The following FRMPD4 variants were observed in gnomAD, a reference collection of about 807,000 sequenced individuals.
FRMPD4 encodes the protein FERM and PDZ domain containing 4.
Under a neutral mutation model 94.1 loss-of-function variants are expected in FRMPD4, and 22 were observed. That is an observed-to-expected ratio of 0.23 (90% CI 0.17 to 0.33). FRMPD4 has a LOEUF of 0.33. Among genes scored for constraint, FRMPD4 ranks in the 10% least tolerant of loss-of-function variants. The probability of loss-of-function intolerance (pLI) is 1.00; values close to 1 mark genes in which losing one functional copy is unlikely to be tolerated. For missense variants in FRMPD4, 1,111 were observed against 1,339.9 expected (o/e 0.83, Z 2.67); for synonymous variants, 631 against 548.6 (o/e 1.15, Z -2.10).
chrX:12,695,830 A>C, intron 9 of FRMPD4, among the ~76,000 whole-genome samples: 1 of 110,674 alleles, frequency 9.0e-6, no homozygotes. Context: ...TCTGCCTCCT[A>C]GGTTCAAAAG....
chrX:12,354,619 G>A (rs749390677), intron 1 of FRMPD4, among the ~76,000 whole-genome samples: 4 of 112,287 alleles, frequency 3.6e-5, no homozygotes, highest in African/African-American at 9.7e-5. Flanking sequence ...AGGCCAAGAC[G>A]TCATTCCTTT....
chrX:12,252,009 T>C (rs1335436977), intron 1 of FRMPD4, among the ~76,000 whole-genome samples: 2 of 112,357 alleles, frequency 1.8e-5, no homozygotes, highest in South Asian at 7.4e-4. Flanking sequence ...TCATGACACA[T>C]AGTAAATCCT....
intron 3 of FRMPD4, among the ~76,000 whole-genome samples, chrX:12,105,978 C>T (rs1212814987): frequency 9.8e-5 from 11 of 112,137 alleles, no homozygotes; most frequent in Non-Finnish European, 1.7e-4. Flanking sequence ...TCTCTGAGAG[C>T]TACACCCTGA....
At chrX:12,331,536 C>T (rs2055373871) in intron 1 of FRMPD4, among the ~76,000 whole-genome samples, 2 of 93,378 alleles carry the variant, frequency 2.1e-5, no homozygotes, top group Non-Finnish European at 4.2e-5. Flanking sequence ...AAGTGCAAGG[C>T]TACTTGAGTT....
intron 1 of FRMPD4, among the ~76,000 whole-genome samples, chrX:11,847,167 A>G (rs1241203530): frequency 2.7e-5 from 3 of 111,918 alleles, no homozygotes; most frequent in African/African-American, 9.8e-5. Flanking sequence ...TGTACAATGA[A>G]CTCAAACAAA....
intron 1 of FRMPD4, among the ~76,000 whole-genome samples, chrX:12,274,066 A>G (rs1477311301): frequency 1.8e-5 from 2 of 111,684 alleles, no homozygotes; most frequent in Non-Finnish European, 3.8e-5. Flanking sequence ...GAGGGCACCT[A>G]CGAAGAATGT....
At chrX:12,720,249 G>A (rs1342552109) in intron 16 of FRMPD4, among the ~76,000 whole-genome samples, 2 of 111,758 alleles carry the variant, frequency 1.8e-5, no homozygotes, top group African/African-American at 6.5e-5. Flanking sequence ...TGGGAGTAAG[G>A]CAATTCATGA....
intron 1 of FRMPD4, among the ~76,000 whole-genome samples, chrX:12,164,746 G>A (rs1455062655): frequency 8.9e-6 from 1 of 112,182 alleles, no homozygotes; most frequent in East Asian, 2.8e-4. Context: ...CATTCTAACT[G>A]GTGTGAGATG....
At chrX:12,189,984 CAAA>C (rs775521755) in intron 1 of FRMPD4, among the ~76,000 whole-genome samples, 1 of 110,946 alleles carries the variant, frequency 9.0e-6, no homozygotes, top group East Asian at 2.8e-4. Flanking sequence ...AAATAATCAA[CAAA>C]AAAATTCCTG....
chrX:12,019,467 T>C (rs893932632), intron 3 of FRMPD4, among the ~76,000 whole-genome samples: 1 of 110,378 alleles, frequency 9.1e-6, no homozygotes, highest in Admixed American at 9.7e-5. Flanking sequence ...ATCTTTCTCT[T>C]ATACAGCTCT....
chrX:12,081,014 C>T (rs954386316), intron 3 of FRMPD4, among the ~76,000 whole-genome samples: 1 of 111,936 alleles, frequency 8.9e-6, no homozygotes, highest in African/African-American at 3.2e-5. Context: ...GAAACTTTAT[C>T]ACAGCAAATC....
intron 3 of FRMPD4, among the ~76,000 whole-genome samples, chrX:12,098,261 A>G: frequency 2.5e-5 from 1 of 40,606 alleles, no homozygotes; most frequent in Middle Eastern, 0.012. Context: ...TGTAAAAAAC[A>G]GAAAGAAAAA....
rs1325617197 is a variant in FRMPD4 at position 12,107,240 on chromosome X, G to A, written c.95+229222G>A. Among the ~76,000 whole-genome samples, 3 of 112,090 alleles carry A rather than the reference G, an allele frequency of 2.7e-5. No individual in the cohort carries two copies. The Admixed American group carries it at 2.8e-4, about 11-fold the overall frequency. ...ATCAGGCAGCAACATTTGCTGTTCA[G>A]CAATATTCACTGTTCTGCAGCCTCC... On this transcript the variant is annotated intron_variant, in intron 3 of 18. Transcript: ENST00000640291.
At chrX:12,562,801 C>T (rs1215054276) in intron 2 of FRMPD4, among the ~76,000 whole-genome samples, 1 of 111,963 alleles carries the variant, frequency 8.9e-6, no homozygotes, top group East Asian at 2.8e-4. Flanking sequence ...AAAATAAAGA[C>T]ATTTAAAAAC....
At chrX:11,877,647 GA>G (rs1299303740) in intron 2 of FRMPD4, among the ~76,000 whole-genome samples, 1 of 111,656 alleles carries the variant, frequency 9.0e-6, no homozygotes, top group Non-Finnish European at 1.9e-5. Context: ...TCGTGGTCAG[GA>G]AAAAAGTTCC....
At chrX:12,359,711 A>G (rs913596303) in intron 1 of FRMPD4, among the ~76,000 whole-genome samples, 2 of 110,720 alleles carry the variant, frequency 1.8e-5, no homozygotes, top group Non-Finnish European at 3.8e-5. Flanking sequence ...CTCATGATCC[A>G]CCCGCCTTGG....
chrX:11,928,979 G>A (rs1242491486), intron 3 of FRMPD4, among the ~76,000 whole-genome samples: 1 of 112,465 alleles, frequency 8.9e-6, no homozygotes. Flanking sequence ...AAGAGCCAGA[G>A]GCCATTATGC....
intron 4 of FRMPD4, among the ~76,000 whole-genome samples, chrX:12,642,766 T>G (rs2059511816): frequency 8.9e-6 from 1 of 112,010 alleles, no homozygotes; most frequent in Non-Finnish European, 1.9e-5. Flanking sequence ...AGCAGCGTGT[T>G]GTGGTATGTG....
At chrX:12,516,834 G>A (rs1033403917) in intron 2 of FRMPD4, among the ~76,000 whole-genome samples, 2 of 109,390 alleles carry the variant, frequency 1.8e-5, no homozygotes, top group African/African-American at 6.6e-5. Flanking sequence ...TACTCAATCA[G>A]TCATAGGTTC....
Sources: allele counts gnomAD v4.1 joint callset (sites outside exome capture counted in the v4.1 genomes callset), GRCh38; gene constraint gnomAD v4.1.1; transcripts MANE v1.5; gene names NCBI Gene and HGNC (gene_info 2026-07-23, HGNC 2026-07-21).